CACNG5: variants seen among roughly 807,000 people sequenced by gnomAD.
CACNG5 encodes the protein calcium voltage-gated channel auxiliary subunit gamma 5, also known as voltage-dependent calcium channel gamma-5 subunit.
Under a neutral mutation model 24.8 loss-of-function variants are expected in CACNG5, and 18 were observed. That is an observed-to-expected ratio of 0.73 (90% CI 0.50 to 1.08). The LOEUF (loss-of-function observed/expected upper bound fraction) is 1.08, where lower values mean the gene tolerates loss of function less well. CACNG5 is among the 50% of genes least tolerant of loss of function. The pLI, the probability that CACNG5 is intolerant of heterozygous loss-of-function variation, is 0.00. For synonymous variants in CACNG5, 157 were observed against 149.1 expected, an observed-to-expected ratio of 1.05 and a Z score of -0.39; for missense variants, 349 against 367.9, an observed-to-expected ratio of 0.95 and a Z score of 0.42.
intron 1 of CACNG5, among the ~76,000 whole-genome samples, chr17:66,856,251 A>G (rs1976774011): frequency 6.6e-6 from 1 of 152,224 alleles, no homozygotes; most frequent in South Asian, 2.1e-4. Flanking sequence ...ATTGCTTTCC[A>G]AAAGAGTGAA....
In CACNG5 at chr17:66,836,969, T is replaced by C. The variant is rs528558198; in HGVS notation, c.-104+1719T>C. On this transcript the variant is annotated intron_variant, in intron 1 of 5. Transcript: ENST00000533854. ...TTGTTCACGCTTGTTTGGAAGAGAC[T>C]GGCCTTAGGTTGTTGTGGAAAACGT... is the stretch of plus-strand genomic sequence containing the variant. Among the ~76,000 whole-genome samples, 38 of 152,362 alleles carry C rather than the reference T, an allele frequency of 2.5e-4. No homozygotes were observed. In the East Asian group the frequency reaches 7.1e-3, roughly 29 times the overall value.
At chr17:66,879,561 A>T (rs974311792) in intron 3 of CACNG5, among the ~76,000 whole-genome samples, 1 of 152,150 alleles carries the variant, frequency 6.6e-6, no homozygotes, top group African/African-American at 2.4e-5. Context: ...ATAATTGCAA[A>T]AATGACTCAC....
intron 4 of CACNG5, 135 bp downstream of exon 4, chr17:66,880,832 C>T: frequency 5.5e-6 from 5 of 914,570 alleles, no homozygotes; most frequent in South Asian, 3.5e-5. Context: ...ACCTCCACCT[C>T]CCGGATTCAA....
At chr17:66,836,730 G>A (rs181728252) in intron 1 of CACNG5, among the ~76,000 whole-genome samples, 1 of 152,352 alleles carries the variant, frequency 6.6e-6, no homozygotes, top group Non-Finnish European at 1.5e-5. Flanking sequence ...TCATGTGGAA[G>A]GCAGTGGATG....
At chr17:66,877,101 T>G (rs1434323935) in intron 1 of CACNG5, 129 bp from the exon 2 acceptor site, 3 of 484,766 alleles carry the variant, frequency 6.2e-6, no homozygotes, top group East Asian at 3.4e-5. Flanking sequence ...TGCTGCGGGG[T>G]TAGGGGGAGG....
chr17:66,873,711 A>C (rs945496574), intron 1 of CACNG5, among the ~76,000 whole-genome samples: 1 of 152,180 alleles, frequency 6.6e-6, no homozygotes, highest in African/African-American at 2.4e-5. Flanking sequence ...GTGTTTAATC[A>C]CACCAGCAAT....
intron 1 of CACNG5, among the ~76,000 whole-genome samples, chr17:66,836,092 C>A (rs747871085): frequency 4.9e-4 from 75 of 152,308 alleles, no homozygotes; most frequent in Non-Finnish European, 8.4e-4. Flanking sequence ...CATATTCTGA[C>A]TAGCTTCTCC....
chr17:66,873,626 C>G (rs962156452), intron 1 of CACNG5, among the ~76,000 whole-genome samples: 1 of 152,202 alleles, frequency 6.6e-6, no homozygotes, highest in African/African-American at 2.4e-5. Flanking sequence ...GCTTAGTCCA[C>G]TGTTGCTTAA....
At chr17:66,841,815 T>C (rs1171808606) in intron 1 of CACNG5, among the ~76,000 whole-genome samples, 4 of 152,234 alleles carry the variant, frequency 2.6e-5, no homozygotes, top group Non-Finnish European at 5.9e-5. Context: ...GAACGTCTGC[T>C]CTGTGTCAAG....
intron 3 of CACNG5, 122 bp downstream of exon 3, chr17:66,879,180 C>T (rs1977125261): frequency 3.0e-6 from 2 of 658,230 alleles, no homozygotes; most frequent in Non-Finnish European, 5.3e-6. Flanking sequence ...GCTGGGTGTG[C>T]TGTCCTGTTA....
intron 1 of CACNG5, among the ~76,000 whole-genome samples, chr17:66,859,880 C>T (rs1216201718): frequency 1.3e-5 from 2 of 152,090 alleles, no homozygotes; most frequent in African/African-American, 4.8e-5. Context: ...CTCCTTCCTC[C>T]CTTCTTCCTT....
intron 1 of CACNG5, among the ~76,000 whole-genome samples, chr17:66,846,786 G>A (rs998644490): frequency 3.9e-5 from 6 of 152,152 alleles, no homozygotes; most frequent in African/African-American, 1.4e-4. Flanking sequence ...ATATCCCTAG[G>A]AGTGGGGTTA....
intron 1 of CACNG5, among the ~76,000 whole-genome samples, chr17:66,855,820 A>G (rs564751451): frequency 1.3e-5 from 2 of 152,348 alleles, no homozygotes; most frequent in African/African-American, 2.4e-5. Flanking sequence ...TAAAAAAATC[A>G]AGGAAAAGAA....
At chr17:66,857,711 G>C (rs1312063937) in intron 1 of CACNG5, among the ~76,000 whole-genome samples, 1 of 152,206 alleles carries the variant, frequency 6.6e-6, no homozygotes, top group Non-Finnish European at 1.5e-5. Context: ...GTCCAGATTA[G>C]ACCAAAATCA....
At chr17:66,870,500 C>T (rs772140435) in intron 1 of CACNG5, among the ~76,000 whole-genome samples, 9 of 152,184 alleles carry the variant, frequency 5.9e-5, no homozygotes, top group South Asian at 2.1e-4. Context: ...CTTCAATGCA[C>T]GTGATAGCCC....
At chr17:66,853,996 A>G (rs2143054096) in intron 1 of CACNG5, among the ~76,000 whole-genome samples, 1 of 152,332 alleles carries the variant, frequency 6.6e-6, no homozygotes, top group South Asian at 2.1e-4. Context: ...TTCACAGGCT[A>G]TATGCTCATC....
chr17:66,856,392 C>A (rs1976776016), intron 1 of CACNG5, among the ~76,000 whole-genome samples: 1 of 152,152 alleles, frequency 6.6e-6, no homozygotes, highest in Admixed American at 6.5e-5. Context: ...CTGAGAGACT[C>A]AATGTAGTTT....
chr17:66,843,623 G>A, intron 1 of CACNG5, among the ~76,000 whole-genome samples: 1 of 152,150 alleles, frequency 6.6e-6, no homozygotes, highest in Non-Finnish European at 1.5e-5. Context: ...CAGGCTACCT[G>A]AATCACATTG....
intron 1 of CACNG5, among the ~76,000 whole-genome samples, chr17:66,850,520 AT>A (rs373205652): frequency 0.068 from 10,015 of 146,412 alleles, 432 homozygotes; most frequent in Non-Finnish European, 0.098. Context: ...TTTAAAGTAT[AT>A]TTTTTTTTTA....
Sources: allele counts gnomAD v4.1 joint callset (sites outside exome capture counted in the v4.1 genomes callset), GRCh38; gene constraint gnomAD v4.1.1; transcripts MANE v1.5; gene names NCBI Gene and HGNC (gene_info 2026-07-23, HGNC 2026-07-21).